SRPX: variants seen among roughly 807,000 people sequenced by gnomAD.
The protein encoded by SRPX is sushi repeat containing protein X-linked, also known as sushi repeat-containing protein SRPX.
Under a neutral mutation model 38.1 loss-of-function variants are expected in SRPX, and 24 were observed. That is an observed-to-expected ratio of 0.63 (90% CI 0.46 to 0.89). SRPX has a LOEUF of 0.89. SRPX is among the 40% of genes least tolerant of loss of function. The pLI is 0.00. For missense variants in SRPX, 416 were observed against 377.8 expected, an observed-to-expected ratio of 1.10 and a Z score of -0.84; for synonymous variants, 184 against 153.8, an observed-to-expected ratio of 1.20 and a Z score of -1.45.
At chrX:38,197,141 C>T (rs1422401278) in intron 1 of SRPX, among the ~76,000 whole-genome samples, 1 of 112,157 alleles carries the variant, frequency 8.9e-6, no homozygotes, top group Non-Finnish European at 1.9e-5. Flanking sequence ...TAGGCCATAG[C>T]TAGTTTGAAA....
intron 1 of SRPX, among the ~76,000 whole-genome samples, chrX:38,218,603 A>G (rs757949856): frequency 8.9e-6 from 1 of 112,262 alleles, no homozygotes; most frequent in East Asian, 2.8e-4. Flanking sequence ...GGAGCCCTAG[A>G]TCTCCATCTT....
chrX:38,220,688 G>A lies in SRPX; in HGVS notation c.97+8C>T. On this transcript the variant is annotated splice_region_variant and intron_variant, in intron 1 of 9. Coordinates refer to ENST00000378533, the MANE Select transcript of SRPX (RefSeq NM_006307.5). ...CAGCTGAGGAGGCAGCCACGCCTCC[G>A]ATCCTACCTGGGAAGCTGCGGCTGG... The A allele has an allele frequency of 8.4e-7, 1 of 1,185,149 alleles. No individual in the cohort carries two copies. The highest frequency in any genetic ancestry group is 1.1e-6 in the Non-Finnish European group (1 of 886,395).
At chrX:38,202,212 G>A (rs934731294) in intron 1 of SRPX, among the ~76,000 whole-genome samples, 1 of 111,710 alleles carries the variant, frequency 9.0e-6, no homozygotes, top group Non-Finnish European at 1.9e-5. Flanking sequence ...AAGACTCCTT[G>A]TGACTTTTTG....
Position 38,174,146 on chromosome X carries a change from G to A in SRPX, c.349+14C>T. ...GTCATCCCTGAGGACCCAACACAGA[G>A]CTGGCCTACTCACGTTTGCAGATGA... On this transcript the variant is annotated intron_variant, in intron 3 of 9. Transcript: ENST00000378533. The A allele has an allele frequency of 9.5e-7, 1 of 1,049,265 alleles. No individual in the cohort carries two copies. The highest frequency in any genetic ancestry group is 1.9e-5 in the African/African-American group (1 of 51,817). 86.5% of individuals were successfully genotyped at this position (1,049,265 alleles called of 1,213,427 possible).
chrX:38,171,685 C>A (rs1265453631), intron 4 of SRPX, among the ~76,000 whole-genome samples, 196 bp downstream of exon 4: 2 of 112,203 alleles, frequency 1.8e-5, no homozygotes, highest in African/African-American at 6.5e-5. Context: ...AAGCCATCAG[C>A]TACGAAGTCA....
chrX:38,219,622 T>C (rs6651853), intron 1 of SRPX, among the ~76,000 whole-genome samples: 24,342 of 111,297 alleles, frequency 0.22, 2,305 homozygotes, highest in Non-Finnish European at 0.3. Flanking sequence ...GTGCAGAGAA[T>C]TTCCCGCAGC....
chrX:38,205,154 T>A (rs891590169), intron 1 of SRPX, among the ~76,000 whole-genome samples: 4 of 112,294 alleles, frequency 3.6e-5, no homozygotes, highest in African/African-American at 1.3e-4. Flanking sequence ...AAATGGCTAG[T>A]CAGCCCTCTA....
rs1938532132 is a variant in SRPX at position 38,174,317 on chromosome X, A to G, written c.192T>C (p.Tyr64=). The G allele has an allele frequency of 1.9e-6, 2 of 1,060,775 alleles. No individual in the cohort carries two copies. The highest frequency in any genetic ancestry group is 2.4e-6 in the Non-Finnish European group (2 of 817,361). 87.4% of individuals were successfully genotyped at this position (1,060,775 alleles called of 1,213,427 possible). The stretch of plus-strand genomic sequence containing the variant: ...GAGGGGCCCTGCAGTACACATCCCC[A>G]TACTTCACCTTGATGGGGGAGCACC... ...TPWCSPIKVK[Y]GDVYCRAPQG... is the part of the protein sequence containing the mutation. The change falls in exon 3 of 10, where the codon TAT becomes TAC. Residue 64 remains tyrosine (Y), a synonymous_variant. Coordinates refer to ENST00000378533, the MANE Select transcript of SRPX (RefSeq NM_006307.5).
intron 1 of SRPX, 82 bp from the exon 2 acceptor site, chrX:38,178,426 A>AC: frequency 1.2e-6 from 1 of 841,231 alleles, no homozygotes; most frequent in Non-Finnish European, 1.7e-6. Context: ...TTTGCCACAG[A>AC]CCATGCAGGA....
intron 7 of SRPX, among the ~76,000 whole-genome samples, chrX:38,158,960 A>T (rs1938186765): frequency 9.0e-6 from 1 of 111,331 alleles, no homozygotes; most frequent in South Asian, 3.9e-4. Flanking sequence ...AGCCTGGGTG[A>T]CAGAGAGAGA....
At chrX:38,204,638 T>C (rs1458994319) in intron 1 of SRPX, among the ~76,000 whole-genome samples, 1 of 111,616 alleles carries the variant, frequency 9.0e-6, no homozygotes, top group African/African-American at 3.3e-5. Context: ...TCATCCAAGC[T>C]TTTTTTTCCC....
intron 2 of SRPX, 74 bp from the exon 3 acceptor site, chrX:38,174,425 C>T: frequency 1.2e-6 from 1 of 866,259 alleles, no homozygotes; most frequent in Non-Finnish European, 1.5e-6. Flanking sequence ...CTTACTCTTA[C>T]TGTCCCAGGC....
Position 38,158,120 on chromosome X carries a change from G to A in SRPX, c.956-1091C>T, listed in dbSNP as rs1052716369. On this transcript the variant is annotated intron_variant, in intron 7 of 9. Coordinates refer to ENST00000378533, the MANE Select transcript of SRPX (RefSeq NM_006307.5). ...GGTGCAGAGAGGCAGAAGGGTAAGA[G>A]AATGGGCAGTGGCCAGGCTGGCTTT... is the stretch of plus-strand genomic sequence containing the variant. Among the ~76,000 whole-genome samples the A allele has an allele frequency of 8.9e-5, 10 of 112,504 alleles. 1 individual carries two copies. In the Admixed American group the frequency reaches 9.4e-4, roughly 11 times the overall value.
Position 38,187,284 on chromosome X carries a change from A to G in SRPX, c.98-8940T>C, listed in dbSNP as rs751041978. ...GTTTAAGCATGAAACATGGTCAAGA[A>G]TCTCAGTGCTTCCAAAGTTTTCTGT... On this transcript the variant is annotated intron_variant, in intron 1 of 9. Transcript: ENST00000378533. Among the ~76,000 whole-genome samples, 21 of 112,295 alleles carry G rather than the reference A, an allele frequency of 1.9e-4. No homozygotes were observed. The South Asian group carries it at 6.3e-3, about 34-fold the overall frequency.
chrX:38,216,405 T>C (rs1369291002), intron 1 of SRPX, among the ~76,000 whole-genome samples: 3 of 113,223 alleles, frequency 2.6e-5, no homozygotes, highest in Non-Finnish European at 3.7e-5. Context: ...AATAAGTCTC[T>C]GGGCAGAGCC....
intron 1 of SRPX, among the ~76,000 whole-genome samples, chrX:38,212,030 G>A (rs749060690): frequency 2.7e-5 from 3 of 112,113 alleles, no homozygotes; most frequent in African/African-American, 6.5e-5. Context: ...GAGTCTTGCC[G>A]GAGTGGCAGG....
At chrX:38,193,091 C>G (rs1938936729) in intron 1 of SRPX, among the ~76,000 whole-genome samples, 1 of 112,029 alleles carries the variant, frequency 8.9e-6, no homozygotes, top group African/African-American at 3.3e-5. Context: ...CTAACACAGT[C>G]CTTACAGTCC....
chrX:38,166,242 G>T (rs1467909376), intron 4 of SRPX, among the ~76,000 whole-genome samples: 1 of 112,096 alleles, frequency 8.9e-6, no homozygotes, highest in Non-Finnish European at 1.9e-5. Flanking sequence ...CCTGTGTCTT[G>T]TCTAATAATT....
At chrX:38,159,906 G>A (rs751205907) in intron 7 of SRPX, 111 bp downstream of exon 7, 13 of 855,795 alleles carry the variant, frequency 1.5e-5, no homozygotes, top group Non-Finnish European at 2.1e-5. Flanking sequence ...CAGATAAAGA[G>A]GGATGGCCAT....
Sources: allele counts gnomAD v4.1 joint callset (sites outside exome capture counted in the v4.1 genomes callset), GRCh38; gene constraint gnomAD v4.1.1; transcripts MANE v1.5; gene names NCBI Gene and HGNC (gene_info 2026-07-23, HGNC 2026-07-21).